EXTL3: variants seen among roughly 807,000 people sequenced by gnomAD.
The protein encoded by EXTL3 is exostosin-like 3.
A neutral mutation model predicts 69.3 loss-of-function variants in EXTL3; 27 were observed. That is an observed-to-expected ratio of 0.39 (90% CI 0.29 to 0.54). The LOEUF is 0.54. Among genes scored for constraint, EXTL3 ranks in the 20% least tolerant of loss-of-function variants. EXTL3 has a pLI of 0.69. For synonymous variants in EXTL3, 511 were observed against 499.4 expected (o/e 1.02, Z -0.31); for missense variants, 1,003 against 1,231.8 (o/e 0.81, Z 2.78).
chr8:28,749,468 T>G (rs1801958464), intron 6 of EXTL3, among the ~76,000 whole-genome samples: 1 of 152,190 alleles, frequency 6.6e-6, no homozygotes, highest in Non-Finnish European at 1.5e-5. Context: ...CATCTTTCTT[T>G]GTGAGGCGTC....
intron 4 of EXTL3, among the ~76,000 whole-genome samples, chr8:28,732,129 C>A (rs1801550527): frequency 6.6e-6 from 1 of 152,130 alleles, no homozygotes; most frequent in Non-Finnish European, 1.5e-5. Context: ...ACCCGGCCTT[C>A]AACTCTCCTG....
chr8:28,655,889 C>T (rs987244254), intron 1 of EXTL3, among the ~76,000 whole-genome samples: 8 of 152,082 alleles, frequency 5.3e-5, no homozygotes, highest in African/African-American at 7.2e-5. Context: ...GTCATGATGG[C>T]GGCCTGAACA....
chr8:28,618,653 T>C (rs1164202148), upstream of EXTL3, among the ~76,000 whole-genome samples: 2 of 151,876 alleles, frequency 1.3e-5, no homozygotes, highest in Non-Finnish European at 2.9e-5. Context: ...CTCCAAAAAG[T>C]GTGGGGGATT....
upstream of EXTL3, among the ~76,000 whole-genome samples, chr8:28,619,906 T>C (rs1332006669): frequency 8.3e-6 from 1 of 121,098 alleles, no homozygotes; most frequent in Non-Finnish European, 1.6e-5. Context: ...AGTCTCGCTC[T>C]GTCTCCCAGG....
At chr8:28,719,782 C>T (rs755895935) in intron 3 of EXTL3, among the ~76,000 whole-genome samples, 6 of 152,078 alleles carry the variant, frequency 3.9e-5, no homozygotes, top group Non-Finnish European at 8.8e-5. Context: ...AATAGAGCAG[C>T]CATTGTTTTC....
At chr8:28,736,408 G>A (rs1030460161) in intron 4 of EXTL3, among the ~76,000 whole-genome samples, 1 of 152,218 alleles carries the variant, frequency 6.6e-6, no homozygotes, top group Non-Finnish European at 1.5e-5. Flanking sequence ...AGGTCCTGTG[G>A]AGCTTAAACG....
chr8:28,663,870 G>C lies in EXTL3; in HGVS notation c.-53+41060G>C, dbSNP rs1807153637. 2.0e-5 allele frequency among the ~76,000 whole-genome samples: 3 copies of C among 152,318 alleles called. No homozygotes were observed. The South Asian group carries it at 6.2e-4, about 32-fold the overall frequency. On this transcript the variant is annotated intron_variant, in intron 1 of 6. Coordinates refer to the EXTL3 transcript ENST00000523149. ...CTGGTGTCTCTCAGTTTTCCTCTCT[G>C]GGGCAGGGCTGAGGAGGCTGCCATT...
At chr8:28,733,377 T>C (rs969536925) in intron 4 of EXTL3, among the ~76,000 whole-genome samples, 5 of 150,298 alleles carry the variant, frequency 3.3e-5, no homozygotes, top group Non-Finnish European at 7.4e-5. Context: ...TATATATAAA[T>C]GTGTGTGTGT....
At chr8:28,721,452 GT>G (rs1235757957) in intron 3 of EXTL3, among the ~76,000 whole-genome samples, 21 of 152,200 alleles carry the variant, frequency 1.4e-4, no homozygotes, top group Admixed American at 1.4e-3. Context: ...TTGTATGAGA[GT>G]TTTAGCTGTC....
intron 1 of EXTL3, among the ~76,000 whole-genome samples, chr8:28,682,512 G>A (rs1219074449): frequency 2.0e-5 from 3 of 151,868 alleles, no homozygotes; most frequent in Non-Finnish European, 2.9e-5. Context: ...GTGCGATCTC[G>A]GCTCACTGCA....
chr8:28,661,840 G>A (rs1807120712), intron 1 of EXTL3, among the ~76,000 whole-genome samples: 1 of 151,532 alleles, frequency 6.6e-6, no homozygotes, highest in South Asian at 2.1e-4. Context: ...AGCCAAGGTT[G>A]CGCCACTGCA....
At chr8:28,674,439 G>A (rs1409720234) in intron 1 of EXTL3, among the ~76,000 whole-genome samples, 1 of 152,190 alleles carries the variant, frequency 6.6e-6, no homozygotes, top group African/African-American at 2.4e-5. Flanking sequence ...GAACCCTAAT[G>A]TCATGCTGGT....
In EXTL3 at chr8:28,751,090, A is replaced by C; in HGVS notation, c.*224A>C. 1 of 573,660 alleles carries C rather than the reference A, an allele frequency of 1.7e-6. No individual in the cohort carries two copies. The highest frequency in any genetic ancestry group is 2.9e-5 in the East Asian group (1 of 34,030). 35.5% of individuals were successfully genotyped at this position (573,660 alleles called of 1,614,324 possible). A position where few individuals can be genotyped will look rare whatever the true frequency, so the allele number is the denominator to read the frequency against. The stretch of plus-strand genomic sequence containing the variant: ...GTCCCCGGGGTTCCCCACACAGGGC[A>C]CTGACTGATAGCTTACACTGAGGAC... On this transcript the variant is annotated 3_prime_UTR_variant, in exon 7 of 7. Transcript: ENST00000220562.
chr8:28,748,205 A>C (rs368344205), intron 6 of EXTL3, among the ~76,000 whole-genome samples: 1 of 151,940 alleles, frequency 6.6e-6, no homozygotes, highest in Non-Finnish European at 1.5e-5. Context: ...ACCAATCTCT[A>C]CTAAAAATAC....
upstream of EXTL3, chr8:28,701,101 T>G (rs115178091): frequency 6.6e-6 from 1 of 152,256 alleles, no homozygotes; most frequent in African/African-American, 2.4e-5. Context: ...TGGAGGCCTT[T>G]TCTCTGAGAA....
At chr8:28,646,961 G>A (rs1286034317) in intron 1 of EXTL3, among the ~76,000 whole-genome samples, 1 of 152,176 alleles carries the variant, frequency 6.6e-6, no homozygotes, top group East Asian at 1.9e-4. Flanking sequence ...CTGTGGGCCA[G>A]TGTTCTAGGC....
chr8:28,713,907 T>C lies in EXTL3; in HGVS notation c.-476+357T>C, dbSNP rs537337599. ...AATATCCTCTTTTCTTTCTTTCTTT[T>C]TTTTTTTTTTTTTTTTGAGATGGTA... is the stretch of plus-strand genomic sequence containing the variant. On this transcript the variant is annotated intron_variant, in intron 2 of 6. Coordinates refer to ENST00000220562, the MANE Select transcript of EXTL3 (RefSeq NM_001440.4). Among the ~76,000 whole-genome samples, 197 of 145,954 alleles carry C rather than the reference T, an allele frequency of 1.3e-3. 2 individuals are homozygous for C. Among genetic ancestry groups the C allele is most frequent in the African/African-American group, 2.9e-3 (112 of 38,968 alleles).
upstream of EXTL3, among the ~76,000 whole-genome samples, chr8:28,619,461 G>A (rs185953070): frequency 2.1e-3 from 325 of 152,024 alleles, 2 homozygotes; most frequent in African/African-American, 7.5e-3. Flanking sequence ...CGCTTCCTCC[G>A]GGTGTGTCGG....
chr8:28,729,334 T>C (rs539035355), intron 3 of EXTL3, among the ~76,000 whole-genome samples: 5 of 146,864 alleles, frequency 3.4e-5, no homozygotes, highest in East Asian at 2.0e-4. Context: ...CAGTGGCTCG[T>C]GCCTGTAGTC....
Sources: gnomAD v4.1 joint callset for allele counts (sites outside exome capture counted in the v4.1 genomes callset) on GRCh38, gnomAD v4.1.1 for gene constraint, MANE v1.5 for transcripts, NCBI Gene and HGNC (gene_info 2026-07-23, HGNC 2026-07-21) for gene names.